HMGCLL1: variants seen among roughly 807,000 people sequenced by gnomAD.
HMGCLL1 encodes 3-hydroxy-3-methylglutaryl-CoA lyase like 1.
In HMGCLL1, 36 loss-of-function variants were observed where a neutral mutation model predicts 39.1. That is an observed-to-expected ratio of 0.92 (90% CI 0.71 to 1.22). HMGCLL1 has a LOEUF of 1.22. Among genes scored for constraint, HMGCLL1 ranks in the 50% most tolerant of loss-of-function variants. The pLI is 0.00. For missense variants in HMGCLL1, 451 were observed against 416.5 expected (o/e 1.08, Z -0.72); for synonymous variants, 149 against 144.0 (o/e 1.03, Z -0.25).
chr6:55,582,081 C>A (rs960234744), upstream of HMGCLL1, among the ~76,000 whole-genome samples: 5 of 152,114 alleles, frequency 3.3e-5, no homozygotes, highest in Non-Finnish European at 5.9e-5. Flanking sequence ...CACTTCCTAT[C>A]TGTTTGACAA....
chr6:55,634,226 T>TA, the HMGCLL1 span, among the ~76,000 whole-genome samples: 1 of 152,070 alleles, frequency 6.6e-6, no homozygotes, highest in East Asian at 1.9e-4. Flanking sequence ...CAGATATTAA[T>TA]AAAATTGATA....
the HMGCLL1 span, among the ~76,000 whole-genome samples, chr6:55,676,463 A>G: frequency 5.9e-5 from 9 of 152,188 alleles, no homozygotes; most frequent in African/African-American, 1.9e-4. Context: ...AGTTCATTAA[A>G]TGGCCTTGCA....
intron 7 of HMGCLL1, among the ~76,000 whole-genome samples, chr6:55,491,413 T>C (rs1766303950): frequency 6.6e-6 from 1 of 152,166 alleles, no homozygotes. Context: ...TAATTTGGTC[T>C]TTCTAAAAGA....
At chr6:55,562,253 T>C (rs1246837000) in intron 1 of HMGCLL1, among the ~76,000 whole-genome samples, 1 of 152,178 alleles carries the variant, frequency 6.6e-6, no homozygotes, top group Non-Finnish European at 1.5e-5. Flanking sequence ...GTAATAATTT[T>C]GATAAACATT....
intron 3 of HMGCLL1, among the ~76,000 whole-genome samples, chr6:55,523,404 G>T (rs1206935091): frequency 6.6e-6 from 1 of 152,006 alleles, no homozygotes; most frequent in Admixed American, 6.6e-5. Context: ...CAGTGAAACG[G>T]TGTGAGATGA....
Position 55,480,668 on chromosome 6 carries a change from C to G in HMGCLL1, c.795+14751G>C, listed in dbSNP as rs183849750. 2.7e-3 allele frequency among the ~76,000 whole-genome samples: 403 copies of G among 151,792 alleles called. 1 individual carries two copies. The highest frequency in any genetic ancestry group is 3.5e-3 in the Non-Finnish European group (238 of 68,004). The stretch of plus-strand genomic sequence containing the variant: ...AAATAAAGGAAATTAGTATACCTAA[C>G]AGATATCTGTACTTACATGTTTACT... On this transcript the variant is annotated intron_variant, in intron 7 of 8. Coordinates refer to ENST00000274901, the MANE Select transcript of HMGCLL1 (RefSeq NM_001042406.2).
In HMGCLL1 at chr6:55,506,723, T is replaced by C. The variant is rs1767183574; in HGVS notation, c.542+7325A>G. ...AGTGCTTGTGTTTAAGTAACACTTATTTTACTTAATGATGGACCCAAAGCC... is the reference window on the plus strand; with the variant it reads ...AGTGCTTGTGTTTAAGTAACACTTACTTTACTTAATGATGGACCCAAAGCC... On this transcript the variant is annotated intron_variant, in intron 5 of 8. Transcript: ENST00000274901. Among the ~76,000 whole-genome samples the C allele has an allele frequency of 1.3e-5, 2 of 151,720 alleles. 1 individual carries two copies. Among genetic ancestry groups the C allele is most frequent in the South Asian group, 4.1e-4 (2 of 4,832 alleles).
chr6:55,627,049 G>GAAA, the HMGCLL1 span, among the ~76,000 whole-genome samples: 5,972 of 85,746 alleles, frequency 0.07, 373 homozygotes, highest in African/African-American at 0.082. Context: ...CACTCCACCA[G>GAAA]AAAAAAAAAA....
chr6:55,661,808 AT>A, the HMGCLL1 span, among the ~76,000 whole-genome samples: 2 of 151,834 alleles, frequency 1.3e-5, no homozygotes, highest in Admixed American at 1.3e-4. Context: ...TTTAGGCAGT[AT>A]TGCCATTTTA....
the HMGCLL1 span, among the ~76,000 whole-genome samples, chr6:55,590,782 GTATT>G: frequency 3.3e-5 from 5 of 151,872 alleles, no homozygotes; most frequent in Non-Finnish European, 2.9e-5. Context: ...TAATTTTAAA[GTATT>G]TATTTTGAAA....
At chr6:55,578,775 G>A (rs1003074074) in intron 1 of HMGCLL1, among the ~76,000 whole-genome samples, 173 bp downstream of exon 1, 1 of 152,214 alleles carries the variant, frequency 6.6e-6, no homozygotes, top group Non-Finnish European at 1.5e-5. Flanking sequence ...ACCGAAGAGA[G>A]ATAACGGGAA....
intron 4 of HMGCLL1, among the ~76,000 whole-genome samples, chr6:55,515,204 G>C (rs1276649895): frequency 1.5e-4 from 22 of 148,986 alleles, no homozygotes; most frequent in Non-Finnish European, 3.0e-5. Flanking sequence ...AGTGAATCAA[G>C]ATCACGCCAC....
chr6:55,513,816 C>T (rs575286211), intron 5 of HMGCLL1: 2 of 507,732 alleles, frequency 3.9e-6, no homozygotes, highest in East Asian at 3.4e-5. Flanking sequence ...GATTTGCATG[C>T]TAGTTCCTCT....
the HMGCLL1 span, among the ~76,000 whole-genome samples, chr6:55,588,407 G>A: frequency 2.6e-5 from 4 of 151,858 alleles, no homozygotes; most frequent in Non-Finnish European, 5.9e-5. Context: ...TTAAAACAGT[G>A]TATAGAGGGA....
chr6:55,525,834 G>C (rs1326914674), intron 3 of HMGCLL1, among the ~76,000 whole-genome samples: 1 of 151,914 alleles, frequency 6.6e-6, no homozygotes, highest in East Asian at 1.9e-4. Flanking sequence ...CTGCGGTGAG[G>C]AGTAGAAGTT....
chr6:55,672,447 A>G, the HMGCLL1 span, among the ~76,000 whole-genome samples: 7 of 151,944 alleles, frequency 4.6e-5, 1 homozygote, highest in Admixed American at 3.9e-4. Context: ...TTATAGCTAT[A>G]TCTAACCTGC....
At chr6:55,608,496 A>G in the HMGCLL1 span, among the ~76,000 whole-genome samples, 8,634 of 152,280 alleles carry the variant, frequency 0.057, 420 homozygotes, top group Non-Finnish European at 0.08. Context: ...GGGAAAAAAA[A>G]CAGGCTAATC....
At chr6:55,526,103 T>A (rs1451240635) in intron 3 of HMGCLL1, among the ~76,000 whole-genome samples, 1 of 151,860 alleles carries the variant, frequency 6.6e-6, no homozygotes, top group Non-Finnish European at 1.5e-5. Context: ...GATTCCAGAA[T>A]AATTTGCAGC....
chr6:55,582,296 G>A (rs183676847), upstream of HMGCLL1, among the ~76,000 whole-genome samples: 5 of 152,214 alleles, frequency 3.3e-5, no homozygotes, highest in Admixed American at 3.3e-4. Context: ...TTTGGTCTCT[G>A]GCATGTTGTA....
Sources: gnomAD v4.1 joint callset for allele counts (sites outside exome capture counted in the v4.1 genomes callset) on GRCh38, gnomAD v4.1.1 for gene constraint, MANE v1.5 for transcripts, NCBI Gene and HGNC (gene_info 2026-07-23, HGNC 2026-07-21) for gene names.